ZBTB7C: variants seen among roughly 807,000 people sequenced by gnomAD.
The protein encoded by ZBTB7C is zinc finger and BTB domain containing 7C.
A neutral mutation model predicts 25.7 loss-of-function variants in ZBTB7C; 8 were observed. The observed-to-expected ratio is 0.31, with a 90% CI of 0.18 to 0.56. The LOEUF (loss-of-function observed/expected upper bound fraction) is 0.56, where lower values mean the gene tolerates loss of function less well. Among genes scored for constraint, ZBTB7C ranks in the 20% least tolerant of loss-of-function variants. The probability of loss-of-function intolerance (pLI) is 0.91; values close to 1 mark genes in which losing one functional copy is unlikely to be tolerated. For synonymous variants in ZBTB7C, 394 were observed against 369.0 expected (o/e 1.07, Z -0.78); for missense variants, 824 against 855.2 (o/e 0.96, Z 0.46).
At chr18:48,066,939 T>C (rs1484746587) in intron 3 of ZBTB7C, among the ~76,000 whole-genome samples, 1 of 152,004 alleles carries the variant, frequency 6.6e-6, no homozygotes, top group Non-Finnish European at 1.5e-5. Context: ...CTGTCTCTAC[T>C]AAAAATACAA....
chr18:48,323,658 C>T (rs2046148419), intron 2 of ZBTB7C, among the ~76,000 whole-genome samples: 2 of 152,234 alleles, frequency 1.3e-5, no homozygotes, highest in South Asian at 2.1e-4. Context: ...ATTTCCCTGC[C>T]CCTTTAGGAC....
intron 2 of ZBTB7C, among the ~76,000 whole-genome samples, chr18:48,313,765 G>C (rs1434078822): frequency 6.6e-6 from 1 of 152,180 alleles, no homozygotes. Flanking sequence ...AGATTTCTCT[G>C]TGGGTGAGTA....
chr18:48,156,833 TC>T (rs11315152), intron 3 of ZBTB7C, among the ~76,000 whole-genome samples: 3,059 of 151,766 alleles, frequency 0.02, 111 homozygotes, highest in African/African-American at 0.07. Context: ...TTTTTTTTTT[TC>T]CCCGAGAGCG....
chr18:48,101,764 T>A (rs1194512340), intron 3 of ZBTB7C, among the ~76,000 whole-genome samples: 2 of 152,194 alleles, frequency 1.3e-5, no homozygotes, highest in Admixed American at 1.3e-4. Flanking sequence ...CAGCATTATA[T>A]TGGAGGTCTA....
intron 2 of ZBTB7C, among the ~76,000 whole-genome samples, chr18:48,312,959 C>T (rs143522194): frequency 1.6e-3 from 248 of 152,296 alleles, no homozygotes; most frequent in Non-Finnish European, 2.8e-3. Context: ...GAGGCCGATG[C>T]TAAATGTAAT....
chr18:48,334,299 G>A (rs1186673769), intron 2 of ZBTB7C, among the ~76,000 whole-genome samples: 1 of 152,180 alleles, frequency 6.6e-6, no homozygotes, highest in African/African-American at 2.4e-5. Flanking sequence ...AAGGAGAACA[G>A]GAGGCAAGGG....
intron 1 of ZBTB7C, among the ~76,000 whole-genome samples, chr18:48,347,809 T>G (rs1053084564): frequency 1.3e-5 from 2 of 152,082 alleles, no homozygotes; most frequent in Non-Finnish European, 2.9e-5. Context: ...TTAATACCTA[T>G]GAAAAGGCCA....
chr18:48,132,699 T>G (rs2040024043), intron 3 of ZBTB7C, among the ~76,000 whole-genome samples: 1 of 152,248 alleles, frequency 6.6e-6, no homozygotes, highest in African/African-American at 2.4e-5. Flanking sequence ...TCCCTAGGGC[T>G]TATGGATGGC....
intron 2 of ZBTB7C, among the ~76,000 whole-genome samples, chr18:48,245,208 T>C (rs1190976482): frequency 6.6e-6 from 1 of 151,146 alleles, no homozygotes; most frequent in Non-Finnish European, 1.5e-5. Flanking sequence ...TTATTGTAAG[T>C]GAAGTAACTC....
intron 3 of ZBTB7C, among the ~76,000 whole-genome samples, chr18:48,119,677 G>A (rs530665495): frequency 1.3e-5 from 2 of 152,362 alleles, no homozygotes; most frequent in South Asian, 4.1e-4. Context: ...GGTGGGCCCA[G>A]ACAGCTTGCT....
At chr18:48,391,192 C>T (rs1294200883) in intron 1 of ZBTB7C, among the ~76,000 whole-genome samples, 5 of 152,228 alleles carry the variant, frequency 3.3e-5, no homozygotes, top group African/African-American at 1.2e-4. Context: ...GCAGCAGCCT[C>T]AGAACTGAGC....
At chr18:48,300,648 T>C (rs564917253) in intron 2 of ZBTB7C, among the ~76,000 whole-genome samples, 14 of 151,640 alleles carry the variant, frequency 9.2e-5, no homozygotes, top group African/African-American at 2.9e-4. Context: ...AGACAGGAAA[T>C]GAATGGCAAA....
At chr18:48,154,572 T>C (rs2040777736) in intron 3 of ZBTB7C, among the ~76,000 whole-genome samples, 1 of 152,260 alleles carries the variant, frequency 6.6e-6, no homozygotes, top group Non-Finnish European at 1.5e-5. Context: ...GGGTCTGGCA[T>C]TTCCTTTCAT....
intron 3 of ZBTB7C, among the ~76,000 whole-genome samples, chr18:48,124,974 T>A (rs777544667): frequency 3.3e-5 from 5 of 152,128 alleles, no homozygotes; most frequent in Non-Finnish European, 7.3e-5. Flanking sequence ...TCAGCTTTCA[T>A]CAGCCGTGGC....
chr18:48,080,305 G>A (rs541031752), intron 3 of ZBTB7C, among the ~76,000 whole-genome samples: 21 of 152,276 alleles, frequency 1.4e-4, no homozygotes, highest in African/African-American at 5.1e-4. Flanking sequence ...CACCCTGCCA[G>A]ATCCAAGTTG....
chr18:48,161,363 G>T (rs2041019972), intron 3 of ZBTB7C, among the ~76,000 whole-genome samples: 1 of 152,092 alleles, frequency 6.6e-6, no homozygotes, highest in South Asian at 2.1e-4. Context: ...CTCAGAGAGG[G>T]GAGGAAGGGA....
At chr18:48,093,561 T>C (rs904885299) in intron 3 of ZBTB7C, among the ~76,000 whole-genome samples, 1 of 151,904 alleles carries the variant, frequency 6.6e-6, no homozygotes, top group South Asian at 2.1e-4. Context: ...AATCCAGCTA[T>C]GTAAGTGACT....
At chr18:48,038,613 C>T (rs945409558) in intron 4 of ZBTB7C, among the ~76,000 whole-genome samples, 5 of 151,004 alleles carry the variant, frequency 3.3e-5, no homozygotes, top group Admixed American at 1.3e-4. Context: ...CATTCACAAC[C>T]TTGCACTGTG....
intron 1 of ZBTB7C, among the ~76,000 whole-genome samples, chr18:48,407,591 A>G (rs1396552124): frequency 2.0e-5 from 3 of 152,116 alleles, no homozygotes; most frequent in Non-Finnish European, 2.9e-5. Flanking sequence ...GGCTGATGTC[A>G]TTTCTAGTCT....
Sources: gnomAD v4.1 joint callset for allele counts (sites outside exome capture counted in the v4.1 genomes callset) on GRCh38, gnomAD v4.1.1 for gene constraint, MANE v1.5 for transcripts, NCBI Gene and HGNC (gene_info 2026-07-23, HGNC 2026-07-21) for gene names.